The following DPH6 variants were observed in gnomAD, a reference collection of about 807,000 sequenced individuals.
DPH6 encodes the protein diphthamine biosynthesis 6.
Under a neutral mutation model 38.2 loss-of-function variants are expected in DPH6, and 33 were observed. That is an observed-to-expected ratio of 0.86 (90% confidence interval 0.65 to 1.15). DPH6 has a LOEUF of 1.15. DPH6 is among the 50% of genes most tolerant of loss of function. The pLI is 0.00. For synonymous variants in DPH6, 108 were observed against 103.0 expected (o/e 1.05, Z -0.30); for missense variants, 325 against 320.0 (o/e 1.02, Z -0.12).
intron 3 of DPH6, among the ~76,000 whole-genome samples, chr15:35,288,120 T>A (rs2051956007): frequency 6.6e-6 from 1 of 152,204 alleles, no homozygotes; most frequent in African/African-American, 2.4e-5. Context: ...TCATGTTCAT[T>A]TTGTCAACTA....
chr15:35,328,990 T>C (rs536075477), downstream of DPH6, among the ~76,000 whole-genome samples: 3 of 152,290 alleles, frequency 2.0e-5, no homozygotes, highest in East Asian at 3.9e-4. Flanking sequence ...ATAAGACTTA[T>C]TCACTACTGC....
At chr15:35,349,831 CTCTT>C (rs1358822118) in intron 3 of DPH6, among the ~76,000 whole-genome samples, 1 of 152,198 alleles carries the variant, frequency 6.6e-6, no homozygotes, top group African/African-American at 2.4e-5. Context: ...ATTGGTGTAA[CTCTT>C]AATGTGTTGT....
intron 5 of DPH6, among the ~76,000 whole-genome samples, chr15:35,445,138 T>C (rs1159144123): frequency 6.6e-6 from 1 of 152,202 alleles, no homozygotes; most frequent in Non-Finnish European, 1.5e-5. Context: ...TAACATTTAT[T>C]CATTACATTA....
the DPH6 span, among the ~76,000 whole-genome samples, chr15:35,158,254 TGAATGAACTAA>T: frequency 2.0e-5 from 3 of 152,100 alleles, no homozygotes; most frequent in African/African-American, 7.2e-5. Flanking sequence ...GGCTACCACT[TGAATGAACTAA>T]GATTTTTGTT....
intron 3 of DPH6, among the ~76,000 whole-genome samples, chr15:35,286,140 A>G (rs938947870): frequency 1.3e-5 from 2 of 152,082 alleles, no homozygotes; most frequent in African/African-American, 2.4e-5. Context: ...TAAATATTTG[A>G]GTTTCATCAC....
At chr15:35,442,997 T>A (rs1046791007) in intron 5 of DPH6, among the ~76,000 whole-genome samples, 7 of 152,158 alleles carry the variant, frequency 4.6e-5, no homozygotes, top group Non-Finnish European at 1.0e-4. Context: ...ACTAAAAAAA[T>A]TGAATTGTAC....
At chr15:35,339,332 T>C (rs1403458579) in intron 3 of DPH6, among the ~76,000 whole-genome samples, 2 of 151,490 alleles carry the variant, frequency 1.3e-5, no homozygotes, top group Non-Finnish European at 2.9e-5. Flanking sequence ...TTATTATTAT[T>C]ATTATTATTT....
intron 3 of DPH6, among the ~76,000 whole-genome samples, chr15:35,349,904 T>C (rs1283342450): frequency 6.6e-6 from 1 of 152,204 alleles, no homozygotes; most frequent in Non-Finnish European, 1.5e-5. Flanking sequence ...ATCAGGGATA[T>C]TGGTTTGTAG....
At chr15:35,335,974 T>C (rs1426186033) in intron 3 of DPH6, among the ~76,000 whole-genome samples, 1 of 152,168 alleles carries the variant, frequency 6.6e-6, no homozygotes, top group Admixed American at 6.5e-5. Flanking sequence ...TTACTTTGGG[T>C]AGTATGACCA....
intron 3 of DPH6, among the ~76,000 whole-genome samples, chr15:35,288,398 A>G (rs1042012297): frequency 3.3e-5 from 5 of 152,352 alleles, no homozygotes; most frequent in South Asian, 2.1e-4. Context: ...ATTTAAAACC[A>G]AAAGGAGAAT....
the DPH6 span, among the ~76,000 whole-genome samples, chr15:35,201,521 T>G: frequency 2.0e-5 from 3 of 151,896 alleles, no homozygotes; most frequent in Non-Finnish European, 4.4e-5. Flanking sequence ...CACTAGGATT[T>G]TGCCTGATAT....
downstream of DPH6, among the ~76,000 whole-genome samples, chr15:35,216,308 C>A (rs764160606): frequency 2.0e-4 from 31 of 152,176 alleles, no homozygotes; most frequent in Non-Finnish European, 4.1e-4. Flanking sequence ...GAAAACCATA[C>A]GATCTCACAA....
At chr15:35,493,399 T>A (rs547874343) in intron 3 of DPH6, among the ~76,000 whole-genome samples, 2 of 152,262 alleles carry the variant, frequency 1.3e-5, no homozygotes, top group Non-Finnish European at 2.9e-5. Flanking sequence ...CAGAAAGCAG[T>A]AGTTAAAATC....
intron 3 of DPH6, chr15:35,237,427 C>T (rs550038458): frequency 4.2e-5 from 67 of 1,605,506 alleles, no homozygotes; most frequent in South Asian, 3.3e-4. Context: ...AAGGCAAACT[C>T]GAAGGCCTCA....
intron 6 of DPH6, among the ~76,000 whole-genome samples, chr15:35,408,593 G>A (rs925946008): frequency 3.3e-5 from 5 of 151,932 alleles, no homozygotes; most frequent in African/African-American, 9.7e-5. Context: ...GTTTCTAGAC[G>A]GAAAATGGAG....
At position 35,508,832 on chromosome 15, in the gene DPH6, G is replaced by A. The variant is rs529457186; in HGVS notation, c.312+29442C>T. On this transcript the variant is annotated intron_variant, in intron 3 of 8. Coordinates refer to ENST00000256538, the MANE Select transcript of DPH6 (RefSeq NM_080650.4). ...GTTAAAGTAGATTATTCTTTTAGTAGTGTAACAGAATGGCTTCTACCTAGT... is the reference window on the plus strand; with the variant it reads ...GTTAAAGTAGATTATTCTTTTAGTAATGTAACAGAATGGCTTCTACCTAGT... Among the ~76,000 whole-genome samples, 4 of 152,282 alleles carry A rather than the reference G, an allele frequency of 2.6e-5. No homozygotes were observed. The East Asian group carries it at 7.7e-4, about 29-fold the overall frequency.
chr15:35,519,839 T>C (rs2054897066), intron 3 of DPH6: 2 of 152,176 alleles, frequency 1.3e-5, no homozygotes, highest in East Asian at 1.9e-4. Flanking sequence ...CTAAGCCTGA[T>C]ATAAAGGGGA....
At chr15:35,178,244 T>A in the DPH6 span, among the ~76,000 whole-genome samples, 1 of 152,248 alleles carries the variant, frequency 6.6e-6, no homozygotes, top group African/African-American at 2.4e-5. Context: ...TATTAGTCTG[T>A]TCTCACACTG....
rs563700035 is a variant in DPH6 at position 35,265,361 on chromosome 15, T to C, written n.201-44779A>G. ...AACCCCTAAATTACATTTTTCAGAA[T>C]GTCTTTTTCTCTTGAAGGCATCCAC... On this transcript the variant is annotated intron_variant and non_coding_transcript_variant, in intron 3 of 3. Coordinates refer to the DPH6 transcript ENST00000560386. 6.6e-5 allele frequency among the ~76,000 whole-genome samples: 10 copies of C among 152,318 alleles called. No individual in the cohort carries two copies. The South Asian group carries it at 1.9e-3, about 28-fold the overall frequency.
Sources: allele counts gnomAD v4.1 joint callset (sites outside exome capture counted in the v4.1 genomes callset), GRCh38; gene constraint gnomAD v4.1.1; transcripts MANE v1.5; gene names NCBI Gene and HGNC (gene_info 2026-07-23, HGNC 2026-07-21).